Variants in SEMA5A observed in about 807,000 individuals in gnomAD.
SEMA5A encodes semaphorin 5A, also known as semaphorin-5A.
A neutral mutation model predicts 135.5 loss-of-function variants in SEMA5A; 55 were observed. The ratio of observed to expected loss-of-function variants is 0.41; its 90% CI spans 0.33 to 0.51. The LOEUF (loss-of-function observed/expected upper bound fraction) is 0.51. Ranked by LOEUF, SEMA5A falls within the 20% of genes least tolerant of loss-of-function variation. The probability of loss-of-function intolerance (pLI) is 0.37; values close to 1 mark genes in which losing one functional copy is unlikely to be tolerated. For synonymous variants in SEMA5A, 580 were observed against 546.5 expected, an observed-to-expected ratio of 1.06 and a Z score of -0.85; for missense variants, 1,290 against 1,419.9, an observed-to-expected ratio of 0.91 and a Z score of 1.47.
At chr5:9,372,028 A>C (rs368702649) in intron 3 of SEMA5A, among the ~76,000 whole-genome samples, 9 of 152,370 alleles carry the variant, frequency 5.9e-5, no homozygotes, top group African/African-American at 2.2e-4. Flanking sequence ...AAAGTAGGAC[A>C]TTATCATGCA....
intron 5 of SEMA5A, among the ~76,000 whole-genome samples, chr5:9,267,743 G>A (rs548850052): frequency 5.3e-5 from 8 of 152,162 alleles, no homozygotes; most frequent in African/African-American, 1.4e-4. Flanking sequence ...ATCTGAGATC[G>A]ACTTCAGAAT....
chr5:9,205,465 G>C (rs558339892), intron 8 of SEMA5A, among the ~76,000 whole-genome samples: 1 of 152,018 alleles, frequency 6.6e-6, no homozygotes, highest in South Asian at 2.1e-4. Flanking sequence ...TGACTTTCAC[G>C]AGGTCATTCT....
At chr5:9,053,097 TTG>T (rs1212581169) in intron 19 of SEMA5A, among the ~76,000 whole-genome samples, 1 of 152,142 alleles carries the variant, frequency 6.6e-6, no homozygotes, top group African/African-American at 2.4e-5. Context: ...CTAAAAAAAA[TTG>T]TGTGTTTCAA....
chr5:9,245,020 G>A (rs1748412626), intron 5 of SEMA5A, among the ~76,000 whole-genome samples: 1 of 152,158 alleles, frequency 6.6e-6, no homozygotes. Flanking sequence ...TCAAACAAAA[G>A]GAGATAAAAG....
intron 16 of SEMA5A, among the ~76,000 whole-genome samples, chr5:9,081,350 T>C (rs746662885): frequency 2.6e-5 from 4 of 152,168 alleles, no homozygotes; most frequent in Non-Finnish European, 4.4e-5. Flanking sequence ...ACATGTAGTA[T>C]TAAACAACTG....
chr5:9,106,918 T>C (rs1739947309), intron 16 of SEMA5A, among the ~76,000 whole-genome samples: 1 of 152,200 alleles, frequency 6.6e-6, no homozygotes. Flanking sequence ...AGAAATCTAA[T>C]TGTAATTTCC....
intron 1 of SEMA5A, among the ~76,000 whole-genome samples, chr5:9,541,003 C>G (rs998157293): frequency 6.6e-6 from 1 of 152,162 alleles, no homozygotes; most frequent in Non-Finnish European, 1.5e-5. Context: ...AACTGCTTAG[C>G]AAATTTTTTC....
chr5:9,206,693 C>G (rs1172691222), intron 8 of SEMA5A, among the ~76,000 whole-genome samples: 1 of 151,940 alleles, frequency 6.6e-6, no homozygotes, highest in Non-Finnish European at 1.5e-5. Flanking sequence ...AATCCCAACT[C>G]TACAAAAATC....
At chr5:9,175,214 C>T (rs1462008549) in intron 11 of SEMA5A, among the ~76,000 whole-genome samples, 2 of 151,878 alleles carry the variant, frequency 1.3e-5, no homozygotes, top group African/African-American at 4.8e-5. Flanking sequence ...CAAGTTACTC[C>T]CAAGCAGTGG....
intron 5 of SEMA5A, among the ~76,000 whole-genome samples, chr5:9,289,597 G>A (rs1473976226): frequency 1.3e-5 from 2 of 152,004 alleles, no homozygotes; most frequent in East Asian, 1.9e-4. Flanking sequence ...CCCAGGAGGT[G>A]GAGGTTACAG....
chr5:9,091,837 G>A (rs1739051721), intron 16 of SEMA5A, among the ~76,000 whole-genome samples: 1 of 152,088 alleles, frequency 6.6e-6, no homozygotes. Flanking sequence ...AAACATCTTG[G>A]CATCACCATT....
intron 3 of SEMA5A, among the ~76,000 whole-genome samples, chr5:9,354,884 C>T (rs887868003): frequency 6.6e-6 from 1 of 152,178 alleles, no homozygotes; most frequent in East Asian, 1.9e-4. Flanking sequence ...AGGGAGTTGT[C>T]TGGGGAAAGG....
Position 9,224,713 on chromosome 5 carries a change from G to T in SEMA5A, c.607C>A (p.Pro203Thr). 1 of 1,614,174 alleles carries T rather than the reference G, an allele frequency of 6.2e-7. No individual in the cohort carries two copies. The highest frequency in any genetic ancestry group is 1.1e-5 in the South Asian group (1 of 91,074). ...GAGTTGTACTGCGCCGTGCGGAGAG[G>T]AGGTAAAATGCCTAGGCTTCGGTAA... ...AIYRSLGILP[P>T]LRTAQYNSKW... The change falls in exon 8 of 23, where the codon CCT becomes ACT. Residue 203 changes from proline (P) to threonine (T), a missense_variant. Physicochemically the swap from Pro to Thr is conservative, Grantham distance 38. Coordinates refer to ENST00000382496, the MANE Select transcript of SEMA5A (RefSeq NM_003966.3).
At chr5:9,101,312 GC>G (rs1466566571) in intron 16 of SEMA5A, among the ~76,000 whole-genome samples, 2 of 152,168 alleles carry the variant, frequency 1.3e-5, no homozygotes, top group Non-Finnish European at 2.9e-5. Context: ...TAAATGTCTG[GC>G]TTTGAGGCTG....
At chr5:9,211,326 A>T (rs959227795) in intron 8 of SEMA5A, among the ~76,000 whole-genome samples, 4 of 152,000 alleles carry the variant, frequency 2.6e-5, no homozygotes, top group African/African-American at 9.7e-5. Context: ...GGCTTTACAG[A>T]GCTTCTTTTT....
At chr5:9,227,075 A>C (rs1220820029) in intron 6 of SEMA5A, 108 bp from the exon 7 acceptor site, 2 of 444,534 alleles carry the variant, frequency 4.5e-6, no homozygotes, top group Non-Finnish European at 7.1e-6. Context: ...AATACATTTT[A>C]TCTAATAAAT....
At chr5:9,139,128 T>G (rs1457078320) in intron 12 of SEMA5A, among the ~76,000 whole-genome samples, 1 of 152,234 alleles carries the variant, frequency 6.6e-6, no homozygotes, top group African/African-American at 2.4e-5. Context: ...GTGGGATTGC[T>G]GGATCAAATG....
At chr5:9,469,952 C>T (rs1338042228) in intron 1 of SEMA5A, among the ~76,000 whole-genome samples, 1 of 152,128 alleles carries the variant, frequency 6.6e-6, no homozygotes, top group African/African-American at 2.4e-5. Context: ...CAACTTTGAG[C>T]AGGCCCCAAA....
At chr5:9,458,691 C>T (rs1758940530) in intron 1 of SEMA5A, among the ~76,000 whole-genome samples, 1 of 152,142 alleles carries the variant, frequency 6.6e-6, no homozygotes. Flanking sequence ...GCTCCATGTT[C>T]AAAGCTGAGT....
Sources: allele counts gnomAD v4.1 joint callset (sites outside exome capture counted in the v4.1 genomes callset), GRCh38; gene constraint gnomAD v4.1.1; transcripts MANE v1.5; gene names NCBI Gene and HGNC (gene_info 2026-07-23, HGNC 2026-07-21).